CELA1: variants seen among roughly 807,000 people sequenced by gnomAD.
The protein encoded by CELA1 is chymotrypsin-like elastase family member 1.
A neutral mutation model predicts 34.8 loss-of-function variants in CELA1; 28 were observed. The observed-to-expected ratio is 0.80, with a 90% confidence interval of 0.60 to 1.10. The LOEUF (loss-of-function observed/expected upper bound fraction) is 1.10. CELA1 is among the 50% of genes least tolerant of loss of function. The probability of loss-of-function intolerance (pLI) is 0.00; values close to 1 mark genes in which losing one functional copy is unlikely to be tolerated. For synonymous variants in CELA1, 140 were observed against 129.8 expected (o/e 1.08, Z -0.53); for missense variants, 288 against 327.5 (o/e 0.88, Z 0.93).
At chr12:51,342,931 C>T (rs1257457217) in intron 3 of CELA1, among the ~76,000 whole-genome samples, 1 of 151,882 alleles carries the variant, frequency 6.6e-6, no homozygotes, top group Non-Finnish European at 1.5e-5. Context: ...AGGTGTGAGC[C>T]ACCGTGCCCA....
In CELA1 at chr12:51,343,853, T is replaced by G; in HGVS notation, c.100A>C (p.Ile34Leu). The change falls in exon 3 of 8, where the codon ATT (isoleucine) becomes CTT (leucine). Residue 34 changes from isoleucine (I) to leucine (L), a missense_variant and splice_region_variant. Transcript: ENST00000293636. ...EAGRNSWPSQ[I>L]SLQYRSGGSR... is the part of the protein sequence containing the mutation. The stretch of plus-strand genomic sequence containing the variant: ...CCTCCAGACCGGTACTGGAGGGAAA[T>G]CTAGATGGGGAGGAAAGAAAGAAGG... 2 of 1,545,018 alleles carry G rather than the reference T, an allele frequency of 1.3e-6. No individual in the cohort carries two copies. The highest frequency in any genetic ancestry group is 1.8e-6 in the Non-Finnish European group (2 of 1,120,386).
intron 6 of CELA1, among the ~76,000 whole-genome samples, chr12:51,337,071 C>T (rs955094822): frequency 2.0e-5 from 3 of 152,190 alleles, no homozygotes; most frequent in African/African-American, 7.2e-5. Context: ...CTGAGTTGTA[C>T]AGCTCTTGCT....
In CELA1 at chr12:51,340,156, C is replaced by A. The variant is rs182001883; in HGVS notation, c.464-151G>T. 450 of 688,742 alleles carry A rather than the reference C, an allele frequency of 6.5e-4. 2 individuals carry two copies. The highest frequency in any genetic ancestry group is 9.3e-5 in the Non-Finnish European group (39 of 420,766). 42.7% of individuals were successfully genotyped at this position (688,742 alleles called of 1,614,324 possible). A position where few individuals can be genotyped will look rare whatever the true frequency, so the allele number is the denominator to read the frequency against. The stretch of plus-strand genomic sequence containing the variant: ...CTGTTGCATGTGGTGGATCCTCTGT[C>A]TTCTCTCTTTATATGGCCGCACAGG... On this transcript the variant is annotated intron_variant, in intron 5 of 7. Coordinates refer to ENST00000293636, the MANE Select transcript of CELA1 (RefSeq NM_001971.6).
intron 6 of CELA1, among the ~76,000 whole-genome samples, chr12:51,333,406 T>G (rs12305440): frequency 8.1e-3 from 100 of 12,404 alleles, no homozygotes; most frequent in East Asian, 0.032. Context: ...TTTTTTTTTG[T>G]TTTTTTTTTT....
intron 6 of CELA1, among the ~76,000 whole-genome samples, chr12:51,333,412 T>TG (rs1565699950): frequency 6.8e-6 from 1 of 147,866 alleles, no homozygotes; most frequent in Non-Finnish European, 1.5e-5. Flanking sequence ...TTTGTTTTTT[T>TG]TTTTTTAAGA....
At chr12:51,329,495 G>A (rs1029232007) in intron 7 of CELA1, among the ~76,000 whole-genome samples, 189 bp downstream of exon 7, 1 of 152,066 alleles carries the variant, frequency 6.6e-6, no homozygotes, top group African/African-American at 2.4e-5. Flanking sequence ...GTATGTGGAG[G>A]GGAGGGAATT....
At position 51,345,854 on chromosome 12, in the gene CELA1, C is replaced by T; in HGVS notation, c.40G>A (p.Glu14Lys). 1 of 1,559,320 alleles carries T rather than the reference C, an allele frequency of 6.4e-7. No individual in the cohort carries two copies. Among genetic ancestry groups the T allele is most frequent in the Non-Finnish European group, 8.7e-7 (1 of 1,150,770 alleles). Residue 14 changes from glutamate (E) to lysine (K), a missense_variant, in exon 2 of 8, where the codon GAA (glutamate) becomes AAA (lysine). By Grantham distance (56) the Glu-to-Lys change is moderately conservative. Coordinates refer to ENST00000293636, the MANE Select transcript of CELA1 (RefSeq NM_001971.6). The part of the protein sequence containing the change: ...LYGHSTQDLP[E>K]TNARVVGGTE... ...CCTCCGACTACGCGGGCATTGGTTT[C>T]CGGAAGGTCCTGGGTGCTGTGTCCT...
At chr12:51,329,597 C>T in intron 7 of CELA1, 87 bp downstream of exon 7, 1 of 1,366,434 alleles carries the variant, frequency 7.3e-7, no homozygotes, top group Non-Finnish European at 9.9e-7. Context: ...ACGGCTTGCC[C>T]AGTCCATCCA....
intron 6 of CELA1, among the ~76,000 whole-genome samples, chr12:51,339,230 G>T (rs1263028001): frequency 6.6e-6 from 1 of 151,482 alleles, no homozygotes; most frequent in African/African-American, 2.4e-5. Flanking sequence ...TCCAGGCTCA[G>T]CTGCATCGCT....
intron 5 of CELA1, 95 bp downstream of exon 5, chr12:51,341,149 C>T: frequency 7.5e-7 from 1 of 1,332,750 alleles, no homozygotes; most frequent in Non-Finnish European, 1.1e-6. Flanking sequence ...TGGTCTCTGG[C>T]CATAAGCACC....
chr12:51,341,003 TGAG>T (rs1946530894), intron 5 of CELA1, among the ~76,000 whole-genome samples: 3 of 152,134 alleles, frequency 2.0e-5, no homozygotes, highest in Admixed American at 6.6e-5. Context: ...ATTTTAAAAA[TGAG>T]GGGCTGGTAA....
chr12:51,329,280 G>A (rs1324602869), intron 7 of CELA1, among the ~76,000 whole-genome samples: 1 of 150,318 alleles, frequency 6.7e-6, no homozygotes, highest in African/African-American at 2.4e-5. Context: ...AAAAGTTAGA[G>A]CAAATTATCA....
chr12:51,328,570 AAAATGT>A lies in CELA1; in HGVS notation c.*1_*6del, dbSNP rs761273784. The A allele has an allele frequency of 8.1e-6, 13 of 1,613,974 alleles. No individual in the cohort carries two copies. Among genetic ancestry groups the A allele is most frequent in the Non-Finnish European group, 1.0e-5 (12 of 1,179,958 alleles). On this transcript the variant is annotated 3_prime_UTR_variant, in exon 8 of 8. Transcript: ENST00000293636. ...TTTTGGGAAGGTCGTTGGACTCAGG[AAAATGT>A]TCAGTTGGAGGCGATGACCTGAAGG...
intron 7 of CELA1, 98 bp downstream of exon 7, chr12:51,329,586 G>T: frequency 7.8e-7 from 1 of 1,274,990 alleles, no homozygotes. Flanking sequence ...TAAGGAAGAT[G>T]ACGGCTTGCC....
At chr12:51,339,749 TGA>T in intron 6 of CELA1, 109 bp downstream of exon 6, 3 of 1,018,816 alleles carry the variant, frequency 2.9e-6, no homozygotes, top group Non-Finnish European at 4.3e-6. Flanking sequence ...AGTAGAAAAT[TGA>T]GTCTGTGTAG....
intron 2 of CELA1, among the ~76,000 whole-genome samples, 182 bp from the exon 3 acceptor site, chr12:51,344,035 G>A (rs527729072): frequency 4.9e-4 from 75 of 152,246 alleles, no homozygotes; most frequent in African/African-American, 1.7e-3. Flanking sequence ...CCTCTACAAC[G>A]TCAAAAATAA....
At chr12:51,332,463 A>G (rs970790019) in intron 6 of CELA1, among the ~76,000 whole-genome samples, 1 of 152,208 alleles carries the variant, frequency 6.6e-6, no homozygotes, top group African/African-American at 2.4e-5. Context: ...CAAAAGAATC[A>G]GCTGAAGAGT....
intron 6 of CELA1, among the ~76,000 whole-genome samples, chr12:51,330,197 T>G (rs559024069): frequency 6.6e-6 from 1 of 152,322 alleles, no homozygotes; most frequent in Non-Finnish European, 1.5e-5. Flanking sequence ...TTTATTGGCT[T>G]AAATTGAACC....
intron 6 of CELA1, among the ~76,000 whole-genome samples, chr12:51,337,533 T>C (rs184771145): frequency 1.4e-5 from 1 of 69,052 alleles, no homozygotes; most frequent in African/African-American, 6.1e-5. Context: ...CAAGACCTTA[T>C]CTCTTCAAAA....
Sources: allele counts gnomAD v4.1 joint callset (sites outside exome capture counted in the v4.1 genomes callset), GRCh38; gene constraint gnomAD v4.1.1; transcripts MANE v1.5; gene names NCBI Gene and HGNC (gene_info 2026-07-23, HGNC 2026-07-21).